Variants in GPR82 observed in about 807,000 individuals in gnomAD.
The protein encoded by GPR82 is G protein-coupled receptor 82.
A neutral mutation model predicts 12.9 loss-of-function variants in GPR82; 6 were observed. That is an observed-to-expected ratio of 0.46 (90% CI 0.25 to 0.92). The LOEUF (loss-of-function observed/expected upper bound fraction) is 0.92. GPR82 is among the 40% of genes least tolerant of loss of function. The pLI, the probability that GPR82 is intolerant of heterozygous loss-of-function variation, is 0.16. For missense variants in GPR82, 241 were observed against 245.5 expected (o/e 0.98, Z 0.12); for synonymous variants, 90 against 87.6 (o/e 1.03, Z -0.15).
Position 41,727,684 on chromosome X carries a change from T to A in GPR82, c.658T>A (p.Ser220Thr). 8.3e-7 allele frequency: 1 copy of A among 1,201,466 alleles called. No individual in the cohort carries two copies. Among genetic ancestry groups the A allele is most frequent in the Non-Finnish European group, 1.1e-6 (1 of 886,204 alleles). The change falls in exon 3 of 3, where the codon TCA becomes ACA. Residue 220 changes from serine (S) to threonine (T), a missense_variant. Ser to Thr is a moderately conservative substitution (Grantham distance 58). Coordinates refer to ENST00000302548, the MANE Select transcript of GPR82 (RefSeq NM_080817.5). ...IGFSFLVVLT[S>T]YYSFVSHLRK... Reference sequence around the variant, plus strand: ...ATTTTCCTTTTTAGTAGTACTAACATCATACTACTCTTTTGTAAGCCATCT... The same window carrying A: ...ATTTTCCTTTTTAGTAGTACTAACAACATACTACTCTTTTGTAAGCCATCT...
Position 41,727,974 on chromosome X carries a change from C to T in GPR82, c.948C>T (p.Phe316=), listed in dbSNP as rs745795267. 8.7e-7 allele frequency: 1 copy of T among 1,149,088 alleles called. No homozygotes were observed. Among genetic ancestry groups the T allele is most frequent in the African/African-American group, 1.8e-5 (1 of 56,381 alleles). 94.7% of individuals were successfully genotyped at this position (1,149,088 alleles called of 1,213,427 possible). The change falls in exon 3 of 3, where the codon TTC becomes TTT. Residue 316 remains phenylalanine (F), a synonymous_variant. Coordinates refer to ENST00000302548, the MANE Select transcript of GPR82 (RefSeq NM_080817.5). Reference sequence around the variant, plus strand: ...TATTTCTTTTATTAGATAAAACATTCAAGAAGACACTATATAATCTCTTTA... The same window carrying T: ...TATTTCTTTTATTAGATAAAACATTTAAGAAGACACTATATAATCTCTTTA... The part of the protein sequence containing the change: ...PIIFLLLDKT[F]KKTLYNLFTK...
chrX:41,727,064 T>C lies in GPR82; in HGVS notation c.38T>C (p.Ile13Thr). 8.5e-7 allele frequency: 1 copy of C among 1,171,230 alleles called. No homozygotes were observed. Among genetic ancestry groups the C allele is most frequent in the Non-Finnish European group, 1.2e-6 (1 of 863,544 alleles). Residue 13 changes from isoleucine (I) to threonine (T), a missense_variant, in exon 3 of 3, where the codon ATC (isoleucine) becomes ACC (threonine). Ile to Thr is a moderately conservative substitution (Grantham distance 89). Transcript: ENST00000302548. ...NNTTCIQPSM[I>T]SSMALPIIYI... ...ACAACATGTATTCAACCATCTATGA[T>C]CTCTTCCATGGCTTTACCAATCATT...
At chrX:41,724,574 A>G in intron 1 of GPR82, among the ~76,000 whole-genome samples, 1 of 112,116 alleles carries the variant, frequency 8.9e-6, no homozygotes, top group Non-Finnish European at 1.9e-5. Context: ...TGTAACATGT[A>G]ATTTTTATTT....
chrX:41,727,796 T>C lies in GPR82; in HGVS notation c.770T>C (p.Leu257Pro), dbSNP rs1369867467. Residue 257 changes from leucine (L) to proline (P), a missense_variant, in exon 3 of 3, where the codon CTA (leucine) becomes CCA (proline). Physicochemically the swap from Leu to Pro is moderately conservative, Grantham distance 98. Coordinates refer to ENST00000302548, the MANE Select transcript of GPR82 (RefSeq NM_080817.5). ...AGACATCTTTTGGTCATCCAGATTC[T>C]ACTAATAGTTTGCTTCCTTCCTTAT... ...VKRHLLVIQI[L>P]LIVCFLPYSI... 8.3e-7 allele frequency: 1 copy of C among 1,202,068 alleles called. No individual in the cohort carries two copies. Among genetic ancestry groups the C allele is most frequent in the Non-Finnish European group, 1.1e-6 (1 of 887,207 alleles).
chrX:41,724,378 C>T (rs551879724), intron 1 of GPR82, 89 bp downstream of exon 1: 7 of 112,511 alleles, frequency 6.2e-5, no homozygotes, highest in African/African-American at 2.3e-4. Flanking sequence ...GAAAGCTGAT[C>T]ATTAAGAAAG....
In GPR82 at chrX:41,727,684, T is replaced by C; in HGVS notation, c.658T>C (p.Ser220Pro). Residue 220 changes from serine (S) to proline (P), a missense_variant, in exon 3 of 3, where the codon TCA becomes CCA. Transcript: ENST00000302548. ...ATTTTCCTTTTTAGTAGTACTAACA[T>C]CATACTACTCTTTTGTAAGCCATCT... The part of the protein sequence containing the change: ...IGFSFLVVLT[S>P]YYSFVSHLRK... 1 of 1,201,465 alleles carries C rather than the reference T, an allele frequency of 8.3e-7. No homozygotes were observed. Among genetic ancestry groups the C allele is most frequent in the Non-Finnish European group, 1.1e-6 (1 of 886,204 alleles).
chrX:41,726,765 T>C lies in GPR82; in HGVS notation c.-105-8T>C. Reference sequence around the variant, plus strand: ...ATGTAACTATTCACATCAAATTTTGTTTTTCAGACAAAGGCATTATCCATC... The same window carrying C: ...ATGTAACTATTCACATCAAATTTTGCTTTTCAGACAAAGGCATTATCCATC... On this transcript the variant is annotated splice_polypyrimidine_tract_variant and splice_region_variant and intron_variant, in intron 1 of 2. Transcript: ENST00000302548. 1 of 231,116 alleles carries C rather than the reference T, an allele frequency of 4.3e-6. No individual in the cohort carries two copies. Among genetic ancestry groups the C allele is most frequent in the Admixed American group, 6.7e-5 (1 of 14,926 alleles). 19.0% of individuals were successfully genotyped at this position (231,116 alleles called of 1,213,427 possible). A position where few individuals can be genotyped will look rare whatever the true frequency, so the allele number is the denominator to read the frequency against.
rs1245082022 is a variant in GPR82, at chrX:41,729,803, T to C, written c.*1766T>C. The C allele has an allele frequency of 7.5e-5, 7 of 93,384 alleles. No homozygotes were observed. Among genetic ancestry groups the C allele is most frequent in the Non-Finnish European group, 1.1e-4 (5 of 44,090 alleles). 7.7% of individuals were successfully genotyped at this position (93,384 alleles called of 1,213,427 possible). On this transcript the variant is annotated 3_prime_UTR_variant, in exon 3 of 3. Transcript: ENST00000302548. ...AAAAATATATATATATATATATATA[T>C]ATATGTATGTATGTATGTATATGTG...
At position 41,728,055 on chromosome X, in the gene GPR82, C is replaced by T. The variant is rs777204082; in HGVS notation, c.*18C>T. 2.1e-6 allele frequency: 2 copies of T among 962,672 alleles called. No individual in the cohort carries two copies. The highest frequency in any genetic ancestry group is 2.8e-6 in the Non-Finnish European group (2 of 716,035). 79.3% of individuals were successfully genotyped at this position (962,672 alleles called of 1,213,427 possible). A position where few individuals can be genotyped will look rare whatever the true frequency, so the allele number is the denominator to read the frequency against. On this transcript the variant is annotated 3_prime_UTR_variant, in exon 3 of 3. Transcript: ENST00000302548. ...ATGGTTGACTTTTGAATGGAAAACCCCACAATATTAAGAAAAGCATTCATG... is the reference window on the plus strand; with the variant it reads ...ATGGTTGACTTTTGAATGGAAAACCTCACAATATTAAGAAAAGCATTCATG...
intron 1 of GPR82, among the ~76,000 whole-genome samples, chrX:41,726,466 T>G (rs1452069226): frequency 8.9e-5 from 10 of 111,747 alleles, no homozygotes; most frequent in Non-Finnish European, 1.9e-4. Flanking sequence ...GAGACTCTTC[T>G]AATAGTATTA....
Position 41,728,054 on chromosome X carries a change from C to G in GPR82, c.*17C>G. On this transcript the variant is annotated 3_prime_UTR_variant, in exon 3 of 3. Transcript: ENST00000302548. ...TATGGTTGACTTTTGAATGGAAAAC[C>G]CCACAATATTAAGAAAAGCATTCAT... The G allele has an allele frequency of 4.1e-6, 4 of 965,359 alleles. No homozygotes were observed. The highest frequency in any genetic ancestry group is 5.6e-6 in the Non-Finnish European group (4 of 718,319). The allele number at this position is 965,359 out of a possible 1,213,427, so 79.6% of individuals were successfully genotyped here.
rs757053886 is a variant in GPR82, at chrX:41,727,249, T to A, written c.223T>A (p.Phe75Ile). The A allele has an allele frequency of 7.5e-6, 9 of 1,206,378 alleles. No individual in the cohort carries two copies. Among genetic ancestry groups the A allele is most frequent in the Non-Finnish European group, 1.0e-5 (9 of 890,474 alleles). The change falls in exon 3 of 3, where the codon TTC (phenylalanine) becomes ATC (isoleucine). Residue 75 changes from phenylalanine to isoleucine, a missense_variant. Phe to Ile is a conservative substitution (Grantham distance 21). Coordinates refer to ENST00000302548, the MANE Select transcript of GPR82 (RefSeq NM_080817.5). ...TGCCATGCCTTTCATGAGTATCTAT[T>A]TCCTGAAAGGTTTCCAATGGGAATA... ...CSAMPFMSIY[F>I]LKGFQWEYQS...
chrX:41,729,748 T>TCAA lies in GPR82; in HGVS notation c.*1712_*1714dup, dbSNP rs1189913827. On this transcript the variant is annotated 3_prime_UTR_variant, in exon 3 of 3. Transcript: ENST00000302548. ...CTGGGCGACAGAGTGAGACTCTGTC[T>TCAA]CAAAAAAAAAAAAAAAAAAAAAAAA... The TCAA allele has an allele frequency of 5.5e-5, 1 of 18,209 alleles. No individual in the cohort carries two copies. Among genetic ancestry groups the TCAA allele is most frequent in the African/African-American group, 2.2e-4 (1 of 4,499 alleles). The allele number at this position is 18,209 out of a possible 1,213,427, so 1.5% of individuals were successfully genotyped here.
rs769529438 is a variant in GPR82, at chrX:41,729,060, G to C, written c.*1023G>C. 3 of 123,315 alleles carry C rather than the reference G, an allele frequency of 2.4e-5. No individual in the cohort carries two copies. The East Asian group carries it at 8.4e-4, about 35-fold the overall frequency. 10.2% of individuals were successfully genotyped at this position (123,315 alleles called of 1,213,427 possible). A position where few individuals can be genotyped will look rare whatever the true frequency, so the allele number is the denominator to read the frequency against. ...GTATTCAATATAAATAATGTTATTAGTGACAAACAGTACCTGGCAGTTAAT... is the reference window on the plus strand; with the variant it reads ...GTATTCAATATAAATAATGTTATTACTGACAAACAGTACCTGGCAGTTAAT... On this transcript the variant is annotated 3_prime_UTR_variant, in exon 3 of 3. Coordinates refer to ENST00000302548, the MANE Select transcript of GPR82 (RefSeq NM_080817.5).
chrX:41,725,283 A>G (rs2068239758), intron 1 of GPR82, among the ~76,000 whole-genome samples: 2 of 112,022 alleles, frequency 1.8e-5, no homozygotes, highest in Admixed American at 1.9e-4. Context: ...TAAAATTATA[A>G]TATCATATTT....
At position 41,726,831 on chromosome X, in the gene GPR82, G is replaced by A. The variant is rs1012436295; in HGVS notation, c.-47G>A. On this transcript the variant is annotated 5_prime_UTR_variant, in exon 2 of 3. The change creates a new upstream start codon in the 5' untranslated region. Coordinates refer to ENST00000302548, the MANE Select transcript of GPR82 (RefSeq NM_080817.5). ...TTGTCTTTATTTCAACCGGACAATCGTGATTAGAAAAGGTAAGAAGCCATC... is the reference window on the plus strand; with the variant it reads ...TTGTCTTTATTTCAACCGGACAATCATGATTAGAAAAGGTAAGAAGCCATC... 2.4e-5 allele frequency: 7 copies of A among 294,303 alleles called. No homozygotes were observed. The highest frequency in any genetic ancestry group is 4.1e-5 in the Non-Finnish European group (7 of 169,347). The allele number at this position is 294,303 out of a possible 1,213,427, so 24.3% of individuals were successfully genotyped here.
rs1158686199 is a variant in GPR82, at chrX:41,727,895, CA to C, written c.875del (p.Asn292ThrfsTer21). ...CAGCAATTGAATTATTTAATAGAAACAAAAAACATTCTCACCTGTCTTGCTT... is the reference window on the plus strand; with the variant it reads ...CAGCAATTGAATTATTTAATAGAAACAAAAACATTCTCACCTGTCTTGCTT... ...NCQQLNYLIE[T>X]KNILTCLASA... On this transcript the variant is annotated frameshift_variant, in exon 3 of 3. Coordinates refer to ENST00000302548, the MANE Select transcript of GPR82 (RefSeq NM_080817.5). LOFTEE classifies it high-confidence loss of function. 9.1e-6 allele frequency: 11 copies of C among 1,204,589 alleles called. No homozygotes were observed. Among genetic ancestry groups the C allele is most frequent in the Non-Finnish European group, 1.2e-5 (11 of 889,697 alleles).
At chrX:41,726,947 G>A in intron 2 of GPR82, 46 bp from the exon 3 acceptor site, 1 of 526,747 alleles carries the variant, frequency 1.9e-6, no homozygotes, top group Non-Finnish European at 3.0e-6. Context: ...CTTAAATACT[G>A]TACCAAAAAT....
Position 41,729,912 on chromosome X carries a change from C to T in GPR82, c.*1875C>T, listed in dbSNP as rs1206586244. The T allele has an allele frequency of 9.0e-6, 1 of 111,647 alleles. No individual in the cohort carries two copies. The highest frequency in any genetic ancestry group is 2.0e-5 in the Non-Finnish European group (1 of 50,367). 9.2% of individuals were successfully genotyped at this position (111,647 alleles called of 1,213,427 possible). Reference sequence around the variant, plus strand: ...GCATTTCTTAATGTTAATTTCTTTTCTTTCATGTAATCTTGTCAGTAGACA... The same window carrying T: ...GCATTTCTTAATGTTAATTTCTTTTTTTTCATGTAATCTTGTCAGTAGACA... On this transcript the variant is annotated 3_prime_UTR_variant, in exon 3 of 3. Coordinates refer to ENST00000302548, the MANE Select transcript of GPR82 (RefSeq NM_080817.5).
Sources: allele counts gnomAD v4.1 joint callset (sites outside exome capture counted in the v4.1 genomes callset), GRCh38; gene constraint gnomAD v4.1.1; transcripts MANE v1.5; gene names NCBI Gene and HGNC (gene_info 2026-07-23, HGNC 2026-07-21).